Variants in NF1 observed in about 807,000 individuals in gnomAD.
The protein encoded by NF1 is neurofibromin 1.
Under a neutral mutation model 325.7 loss-of-function variants are expected in NF1, and 122 were observed. That is an observed-to-expected ratio of 0.37 (90% CI 0.32 to 0.44). The LOEUF is 0.44. NF1 is among the 20% of genes least tolerant of loss of function. The probability of loss-of-function intolerance (pLI) is 1.00; values close to 1 mark genes in which losing one functional copy is unlikely to be tolerated. For missense variants in NF1, 2,140 were observed against 3,415.4 expected (o/e 0.63, Z 9.31); for synonymous variants, 1,091 against 1,186.0 (o/e 0.92, Z 1.65).
At position 31,336,607 on chromosome 17, in the gene NF1, T is replaced by TTA. The variant is rs553817239; in HGVS notation, c.6148-28_6148-27insTA. 2.5e-3 allele frequency: 3,569 copies of TTA among 1,445,332 alleles called. 2 individuals carry two copies. The highest frequency in any genetic ancestry group is 5.4e-3 in the Admixed American group (235 of 43,176). 89.5% of individuals were successfully genotyped at this position (1,445,332 alleles called of 1,614,324 possible). A position where few individuals can be genotyped will look rare whatever the true frequency, so the allele number is the denominator to read the frequency against. ...ACTTTGAGTCCCATGTTTTTTTTTT[T>TTA]AAAAAAAAAAATCCTGCTTCTTTAC... On this transcript the variant is annotated intron_variant, in intron 41 of 57. Transcript: ENST00000358273. This position sits in a 1 kb window ranked among gnomAD's most constrained non-coding sequence, Gnocchi z 5.5.
At chr17:31,149,283 C>CACACAT (rs1167838382) in intron 1 of NF1, among the ~76,000 whole-genome samples, 18 of 150,552 alleles carry the variant, frequency 1.2e-4, no homozygotes, top group East Asian at 9.8e-4. Flanking sequence ...CATGTACACA[C>CACACAT]ACACACATAC....
intron 36 of NF1, among the ~76,000 whole-genome samples, chr17:31,270,558 C>G (rs535980892): frequency 6.6e-6 from 1 of 151,598 alleles, no homozygotes; most frequent in Non-Finnish European, 1.5e-5. Flanking sequence ...TGCATTGAGC[C>G]GAGATCACAC....
At chr17:31,131,072 A>G (rs374876549) in intron 1 of NF1, among the ~76,000 whole-genome samples, 1 of 152,128 alleles carries the variant, frequency 6.6e-6, no homozygotes, top group African/African-American at 2.4e-5. Context: ...CCCCCACCTT[A>G]TGGGCAAGAC....
intron 36 of NF1, among the ~76,000 whole-genome samples, chr17:31,285,645 C>T (rs978037425): frequency 2.0e-5 from 3 of 152,022 alleles, no homozygotes; most frequent in African/African-American, 4.8e-5. Context: ...CCCAGGAGCT[C>T]GAGACAAACC....
intron 21 of NF1, 113 bp downstream of exon 21, chr17:31,229,578 CA>C (rs1359397395): frequency 7.7e-7 from 1 of 1,298,172 alleles, no homozygotes; most frequent in East Asian, 2.4e-5. Context: ...TAAAAATTTC[CA>C]AAAAATTGCA....
intron 57 of NF1, among the ~76,000 whole-genome samples, chr17:31,365,629 A>G (rs1473317257): frequency 6.6e-6 from 1 of 152,228 alleles, no homozygotes; most frequent in East Asian, 1.9e-4. Flanking sequence ...TTTATCCTAC[A>G]TATATGTATT....
At chr17:31,317,902 A>G (rs943018834) in intron 36 of NF1, 22 of 171,080 alleles carry the variant, frequency 1.3e-4, no homozygotes, top group Non-Finnish European at 2.5e-5. Context: ...CTTCCATTTG[A>G]TGTTAAAGCA....
At chr17:31,182,350 C>G (rs1279878274) in intron 7 of NF1, among the ~76,000 whole-genome samples, 158 bp from the exon 8 acceptor site, 1 of 152,176 alleles carries the variant, frequency 6.6e-6, no homozygotes, top group African/African-American at 2.4e-5. Flanking sequence ...CATTGCTTGT[C>G]TACTTACCAG....
intron 4 of NF1, among the ~76,000 whole-genome samples, chr17:31,164,683 G>A (rs1425433919): frequency 6.6e-6 from 1 of 152,024 alleles, no homozygotes; most frequent in Non-Finnish European, 1.5e-5. Flanking sequence ...TTGTGTTACG[G>A]TTTTTTGGGG....
At chr17:31,308,084 G>A (rs1434035418) in intron 36 of NF1, 2 of 331,212 alleles carry the variant, frequency 6.0e-6, no homozygotes, top group African/African-American at 4.3e-5. Flanking sequence ...AAGTGTGCAT[G>A]ATCAGGTTAC....
intron 36 of NF1, among the ~76,000 whole-genome samples, chr17:31,313,107 A>G (rs1485949970): frequency 1.3e-5 from 2 of 152,142 alleles, no homozygotes; most frequent in Non-Finnish European, 2.9e-5. Flanking sequence ...TATAAAATCT[A>G]TATGTAAAAA....
Position 31,171,395 on chromosome 17 carries a change from CTA to C in NF1, c.586+1400_586+1401del, listed in dbSNP as rs958675407. ...ACTGAATGGTAAAATTTAGAGATCT[CTA>C]TGAATTAAAGTTAAGAAGTATTAGT... is the stretch of plus-strand genomic sequence containing the variant. On this transcript the variant is annotated intron_variant, in intron 5 of 57. Transcript: ENST00000358273. Among the ~76,000 whole-genome samples the C allele has an allele frequency of 5.1e-4, 77 of 152,218 alleles. 1 individual carries two copies. The highest frequency in any genetic ancestry group is 1.7e-3 in the African/African-American group (72 of 41,528).
intron 13 of NF1, 55 bp from the exon 14 acceptor site, chr17:31,218,950 A>T: frequency 6.6e-7 from 1 of 1,504,460 alleles, no homozygotes; most frequent in East Asian, 2.4e-5. Context: ...TCCTCCTTCT[A>T]ATCTCTCTCG....
chr17:31,103,506 A>G (rs1037885679), intron 1 of NF1, among the ~76,000 whole-genome samples: 1 of 151,994 alleles, frequency 6.6e-6, no homozygotes, highest in Admixed American at 6.6e-5. Context: ...CAGCCTCCCA[A>G]AGTGCTGGGA....
At chr17:31,319,061 G>T (rs769619855) in intron 36 of NF1, 2 of 1,535,418 alleles carry the variant, frequency 1.3e-6, no homozygotes, top group Non-Finnish European at 1.7e-6. Context: ...GTTTGTGAAA[G>T]AATAATGGAT....
intron 36 of NF1, among the ~76,000 whole-genome samples, chr17:31,315,110 T>C (rs992568317): frequency 2.0e-5 from 3 of 152,214 alleles, no homozygotes; most frequent in African/African-American, 4.8e-5. Context: ...AATTAAATTA[T>C]TTTGACCAAA....
chr17:31,106,510 T>C (rs1912878164), intron 1 of NF1, among the ~76,000 whole-genome samples: 1 of 152,220 alleles, frequency 6.6e-6, no homozygotes, highest in African/African-American at 2.4e-5. Context: ...TAGATCACTA[T>C]CTTTCCAATA....
At chr17:31,158,320 C>G (rs1157096891) in intron 2 of NF1, among the ~76,000 whole-genome samples, 2 of 152,086 alleles carry the variant, frequency 1.3e-5, no homozygotes, top group Non-Finnish European at 2.9e-5. Context: ...ATTTTCCCCC[C>G]AAAAGCAGGA....
rs398041633 is a variant in NF1 at position 31,320,343 on chromosome 17, T to TTAA, written c.4836-5477_4836-5476insTAA. The TTAA allele has an allele frequency of 5.9e-4, 688 of 1,172,518 alleles. 34 individuals carry two copies. Among genetic ancestry groups the TTAA allele is most frequent in the South Asian group, 1.4e-3 (84 of 59,454 alleles). 72.6% of individuals were successfully genotyped at this position (1,172,518 alleles called of 1,614,324 possible). A position where few individuals can be genotyped will look rare whatever the true frequency, so the allele number is the denominator to read the frequency against. On this transcript the variant is annotated intron_variant, in intron 36 of 57. Coordinates refer to ENST00000358273, the MANE Select transcript of NF1 (RefSeq NM_001042492.3). ...AAATGTACTTAGGAGTCCTTTTATT[T>TTAA]AAAAAAAAAAAAAAAAGGCAGATTC...
Sources: gnomAD v4.1 joint callset for allele counts (sites outside exome capture counted in the v4.1 genomes callset) on GRCh38, gnomAD v4.1.1 for gene constraint, Gnocchi (gnomAD v3.1) non-coding constraint, MANE v1.5 for transcripts, NCBI Gene and HGNC (gene_info 2026-07-23, HGNC 2026-07-21) for gene names.